The following RARB variants were observed in gnomAD, a reference collection of about 807,000 sequenced individuals.
RARB encodes retinoic acid receptor beta.
In RARB, 17 loss-of-function variants were observed where a neutral mutation model predicts 51.9. The ratio of observed to expected loss-of-function variants is 0.33; its 90% CI spans 0.22 to 0.49. The LOEUF (loss-of-function observed/expected upper bound fraction) is 0.49, where lower values mean the gene tolerates loss of function less well. Among genes scored for constraint, RARB ranks in the 20% least tolerant of loss-of-function variants. The pLI, the probability that RARB is intolerant of heterozygous loss-of-function variation, is 0.99. For synonymous variants in RARB, 215 were observed against 195.4 expected (o/e 1.10, Z -0.84); for missense variants, 369 against 550.8 (o/e 0.67, Z 3.30).
intron 5 of RARB, among the ~76,000 whole-genome samples, chr3:25,351,858 G>A (rs1423024460): frequency 1.3e-5 from 2 of 152,130 alleles, no homozygotes; most frequent in Admixed American, 1.3e-4. Context: ...TGTTCCCCAA[G>A]AGCTCTAATG....
chr3:24,918,432 G>A (rs1310982736), intron 2 of RARB, among the ~76,000 whole-genome samples: 1 of 152,154 alleles, frequency 6.6e-6, no homozygotes, highest in Non-Finnish European at 1.5e-5. Flanking sequence ...AGAGAAAGTG[G>A]GGTCTTTTTG....
intron 3 of RARB, among the ~76,000 whole-genome samples, chr3:25,114,625 T>C (rs546888822): frequency 2.6e-5 from 4 of 152,306 alleles, no homozygotes; most frequent in African/African-American, 7.2e-5. Flanking sequence ...GCAGCAACCA[T>C]GACATAATTG....
rs571174715 is a variant in RARB, at chr3:24,987,791, T to A, written c.-379-72334T>A. Among the ~76,000 whole-genome samples, 6 of 152,314 alleles carry A rather than the reference T, an allele frequency of 3.9e-5. No individual in the cohort carries two copies. The East Asian group carries it at 9.6e-4, about 24-fold the overall frequency. On this transcript the variant is annotated intron_variant, in intron 2 of 11. Coordinates refer to the RARB transcript ENST00000383772. ...ACACAGACCTCTTTCAGCCCCCTAT[T>A]TGAATGAACCCTCCTGTCCCCAAAA...
intron 4 of RARB, 150 bp downstream of exon 4, chr3:25,570,068 A>G: frequency 8.6e-7 from 1 of 1,164,372 alleles, no homozygotes; most frequent in Non-Finnish European, 1.2e-6. Context: ...AGCTGGGGCT[A>G]TGTAGTAGCC....
rs1413825514 is a variant in RARB at position 25,146,499 on chromosome 3, G to GTTTTTTTTTTT, written c.-280+14294_-280+14295insTTTTTTTTTTT. ...CAGGCTATAATTTGCTAAGTTTTTT[G>GTTTTTTTTTTT]TTTGTTTGTTTGTTTTTTTTTTTTT... On this transcript the variant is annotated intron_variant, in intron 4 of 11. Coordinates refer to the RARB transcript ENST00000383772. 1.9e-4 allele frequency among the ~76,000 whole-genome samples: 20 copies of GTTTTTTTTTTT among 104,424 alleles called. 2 individuals are homozygous for GTTTTTTTTTTT. The highest frequency in any genetic ancestry group is 2.2e-4 in the Non-Finnish European group (11 of 50,206). 68.5% of individuals were successfully genotyped at this position (104,424 alleles called of 152,430 possible).
chr3:25,221,467 A>G (rs1346443001), intron 5 of RARB, among the ~76,000 whole-genome samples: 5 of 152,162 alleles, frequency 3.3e-5, no homozygotes, highest in Non-Finnish European at 7.4e-5. Context: ...CGTGGTAGTG[A>G]TTATTCTTAG....
At chr3:25,547,346 CAG>C (rs1352166774) in intron 3 of RARB, among the ~76,000 whole-genome samples, 2 of 152,194 alleles carry the variant, frequency 1.3e-5, no homozygotes, top group African/African-American at 4.8e-5. Context: ...GCCAGAAAAA[CAG>C]AGGTCTCCTC....
intron 5 of RARB, 26 bp from the exon 6 acceptor site, chr3:25,593,477 A>G (rs750314208): frequency 6.3e-7 from 1 of 1,588,118 alleles, no homozygotes; most frequent in South Asian, 1.1e-5. Context: ...GGCTTAGAAC[A>G]TCCATCAATT....
intron 3 of RARB, among the ~76,000 whole-genome samples, chr3:25,544,696 T>G (rs1327817200): frequency 1.3e-5 from 2 of 151,794 alleles, no homozygotes; most frequent in Admixed American, 6.6e-5. Flanking sequence ...AAAATGCCAC[T>G]TCAGTAATCT....
rs553920937 is a variant in RARB, at chr3:24,861,612, A to C, written c.-380+2860A>C. Reference sequence around the variant, plus strand: ...CTTGTTATAAAAAAAAAAAAAAAAAAAAACCTTTCCTGAAGCAAAAAAGTT... The same window carrying C: ...CTTGTTATAAAAAAAAAAAAAAAAACAAACCTTTCCTGAAGCAAAAAAGTT... On this transcript the variant is annotated intron_variant, in intron 2 of 11. Transcript: ENST00000383772. 1.3e-4 allele frequency among the ~76,000 whole-genome samples: 15 copies of C among 116,856 alleles called. No individual in the cohort carries two copies. In the South Asian group the frequency reaches 4.1e-3, roughly 32 times the overall value. 76.7% of individuals were successfully genotyped at this position (116,856 alleles called of 152,430 possible).
In RARB at chr3:25,482,790, C is replaced by T. The variant is rs368362812; in HGVS notation, c.307-18392C>T. Among the ~76,000 whole-genome samples the T allele has an allele frequency of 1.5e-3, 223 of 152,086 alleles. 1 individual carries two copies. The highest frequency in any genetic ancestry group is 5.2e-3 in the African/African-American group (215 of 41,480). On this transcript the variant is annotated intron_variant, in intron 2 of 7. Transcript: ENST00000330688. ...TCCTGACCTCATGATCCGCCCAGCT[C>T]GGCCTCCCAAAGTGCTGGGATTACA...
At chr3:25,358,001 G>T (rs767975153) in intron 5 of RARB, among the ~76,000 whole-genome samples, 2 of 152,054 alleles carry the variant, frequency 1.3e-5, no homozygotes, top group African/African-American at 2.4e-5. Flanking sequence ...GCTCCTTTTT[G>T]GTTCCAAATG....
intron 5 of RARB, among the ~76,000 whole-genome samples, chr3:25,205,535 C>T (rs925507816): frequency 6.6e-6 from 1 of 152,112 alleles, no homozygotes; most frequent in Non-Finnish European, 1.5e-5. Flanking sequence ...GAGCCATAGA[C>T]TGGAGCTGTT....
chr3:25,098,294 A>G (rs1307550832), intron 3 of RARB, among the ~76,000 whole-genome samples: 1 of 152,198 alleles, frequency 6.6e-6, no homozygotes, highest in Non-Finnish European at 1.5e-5. Context: ...GATTTTCATA[A>G]CCACTTGGCT....
chr3:25,012,711 C>T (rs1216644040), intron 2 of RARB, among the ~76,000 whole-genome samples: 2 of 151,972 alleles, frequency 1.3e-5, no homozygotes, highest in Non-Finnish European at 2.9e-5. Context: ...AATGAGACAC[C>T]TTATCTTATT....
chr3:25,415,257 T>C (rs1707671401), intron 5 of RARB, among the ~76,000 whole-genome samples: 1 of 152,240 alleles, frequency 6.6e-6, no homozygotes, highest in Non-Finnish European at 1.5e-5. Flanking sequence ...GTGCCATATC[T>C]AAAAAATCAT....
At position 25,265,446 on chromosome 3, in the gene RARB, A is replaced by G. The variant is rs147042200; in HGVS notation, c.178+90871A>G. On this transcript the variant is annotated intron_variant, in intron 5 of 11. Coordinates refer to the RARB transcript ENST00000383772. ...CCCTTGCTACTACAAAAAAACAACC[A>G]CAAATTTGGCAGCTTAAACCACATA... is the stretch of plus-strand genomic sequence containing the variant. Among the ~76,000 whole-genome samples the G allele has an allele frequency of 2.5e-3, 388 of 152,246 alleles. 2 individuals carry two copies. Among genetic ancestry groups the G allele is most frequent in the African/African-American group, 8.7e-3 (362 of 41,548 alleles).
At chr3:25,407,168 C>T (rs1707432306) in intron 5 of RARB, among the ~76,000 whole-genome samples, 1 of 152,204 alleles carries the variant, frequency 6.6e-6, no homozygotes, top group Admixed American at 6.5e-5. Context: ...CAGTTCCCCA[C>T]TGCCTATAGT....
At chr3:25,078,161 T>G (rs748724606) in intron 3 of RARB, among the ~76,000 whole-genome samples, 1 of 152,190 alleles carries the variant, frequency 6.6e-6, no homozygotes, top group Non-Finnish European at 1.5e-5. Flanking sequence ...TTATTAATCT[T>G]AACTGGTTAG....
Sources: allele counts gnomAD v4.1 joint callset (sites outside exome capture counted in the v4.1 genomes callset), GRCh38; gene constraint gnomAD v4.1.1; transcripts MANE v1.5; gene names NCBI Gene and HGNC (gene_info 2026-07-23, HGNC 2026-07-21).